EIF4EBP1: variants seen among roughly 807,000 people sequenced by gnomAD.
EIF4EBP1 encodes the protein eukaryotic translation initiation factor 4E-binding protein 1.
EIF4EBP1 carries 5 observed loss-of-function variants against 9.2 expected under a neutral mutation model. The ratio of observed to expected loss-of-function variants is 0.54; its 90% CI spans 0.28 to 1.14. The LOEUF (loss-of-function observed/expected upper bound fraction) is 1.14, where lower values mean the gene tolerates loss of function less well. EIF4EBP1 is among the 50% of genes most tolerant of loss of function. The pLI, the probability that EIF4EBP1 is intolerant of heterozygous loss-of-function variation, is 0.09. For synonymous variants in EIF4EBP1, 62 were observed against 67.0 expected (o/e 0.93, Z 0.36); for missense variants, 139 against 169.6 (o/e 0.82, Z 1.00).
chr8:38,056,547 G>A (rs976272152), intron 1 of EIF4EBP1, among the ~76,000 whole-genome samples: 1 of 152,160 alleles, frequency 6.6e-6, no homozygotes, highest in Non-Finnish European at 1.5e-5. Flanking sequence ...AGGTGCAGTT[G>A]GTGGCCTGCA....
chr8:38,046,987 C>T (rs1585527241), intron 1 of EIF4EBP1, among the ~76,000 whole-genome samples: 1 of 152,300 alleles, frequency 6.6e-6, no homozygotes, highest in Non-Finnish European at 1.5e-5. Flanking sequence ...GGTTTCCCTG[C>T]TCTGCATCTC....
rs376946135 is a variant in EIF4EBP1, at chr8:38,059,964, A to G, written c.*29A>G. 37 of 1,612,670 alleles carry G rather than the reference A, an allele frequency of 2.3e-5. No individual in the cohort carries two copies. The highest frequency in any genetic ancestry group is 2.9e-5 in the Non-Finnish European group (34 of 1,178,784). ...ACCAGCCATCGTGTGGAGCACTACC[A>G]AGGGGCCCCTCAGGGCCTTCCTGGG... On this transcript the variant is annotated 3_prime_UTR_variant, in exon 3 of 3. Coordinates refer to ENST00000338825, the MANE Select transcript of EIF4EBP1 (RefSeq NM_004095.4).
intron 1 of EIF4EBP1, among the ~76,000 whole-genome samples, chr8:38,044,477 C>G (rs1377847358): frequency 6.6e-6 from 1 of 152,174 alleles, no homozygotes; most frequent in Non-Finnish European, 1.5e-5. Context: ...CTCACTCTAT[C>G]ACCCAGGCTA....
chr8:38,047,018 G>A (rs1045927853), intron 1 of EIF4EBP1, among the ~76,000 whole-genome samples: 1 of 152,180 alleles, frequency 6.6e-6, no homozygotes, highest in African/African-American at 2.4e-5. Flanking sequence ...ATCAAGGTCA[G>A]CCTTAGCTCA....
intron 1 of EIF4EBP1, among the ~76,000 whole-genome samples, chr8:38,045,422 G>A (rs1809436662): frequency 6.6e-6 from 1 of 152,082 alleles, no homozygotes; most frequent in Non-Finnish European, 1.5e-5. Flanking sequence ...GAACCTAAGG[G>A]AATGTCTCTA....
chr8:38,051,345 T>C (rs970541221), intron 1 of EIF4EBP1, among the ~76,000 whole-genome samples: 1 of 152,130 alleles, frequency 6.6e-6, no homozygotes, highest in Non-Finnish European at 1.5e-5. Flanking sequence ...CAGTTGGAGC[T>C]CTCCCTGCAT....
chr8:38,042,324 G>T (rs1809393107), intron 1 of EIF4EBP1, among the ~76,000 whole-genome samples: 1 of 152,218 alleles, frequency 6.6e-6, no homozygotes, highest in African/African-American at 2.4e-5. Context: ...TGGTTTGGAA[G>T]TGGACAGTGT....
intron 1 of EIF4EBP1, among the ~76,000 whole-genome samples, chr8:38,054,596 G>C (rs545913980): frequency 2.0e-5 from 3 of 152,154 alleles, no homozygotes. Context: ...TCCCCACCCC[G>C]CTGCCTGGAC....
chr8:38,060,086 C>T lies in EIF4EBP1; in HGVS notation c.*151C>T. 1 of 728,570 alleles carries T rather than the reference C, an allele frequency of 1.4e-6. No individual in the cohort carries two copies. The allele number at this position is 728,570 out of a possible 1,614,324, so 45.1% of individuals were successfully genotyped here. A position where few individuals can be genotyped will look rare whatever the true frequency, so the allele number is the denominator to read the frequency against. On this transcript the variant is annotated 3_prime_UTR_variant, in exon 3 of 3. Transcript: ENST00000338825. ...AGCCCTTTCTCCCTCACTCAGGGCA[C>T]CTGCCCCCTCCTCTTCGTGAACACC...
Position 38,035,161 on chromosome 8 carries a change from T to A in EIF4EBP1, c.145+4443T>A, listed in dbSNP as rs546464382. The stretch of plus-strand genomic sequence containing the variant: ...ACTGTGTCCCTTATTAAAGATTTGG[T>A]GGGGGGTTCCTGGTGTAGAGCACTC... On this transcript the variant is annotated intron_variant, in intron 1 of 2. Coordinates refer to ENST00000338825, the MANE Select transcript of EIF4EBP1 (RefSeq NM_004095.4). Among the ~76,000 whole-genome samples the A allele has an allele frequency of 4.6e-5, 7 of 152,264 alleles. No homozygotes were observed. In the South Asian group the frequency reaches 1.2e-3, roughly 27 times the overall value.
chr8:38,059,445 G>A (rs150836980), intron 2 of EIF4EBP1, among the ~76,000 whole-genome samples: 69 of 152,096 alleles, frequency 4.5e-4, no homozygotes, highest in African/African-American at 1.5e-3. Context: ...CTGCAGAACC[G>A]CGAGCCAGTT....
rs575991228 is a variant in EIF4EBP1 at position 38,059,116 on chromosome 8, C to T, written c.326-788C>T. On this transcript the variant is annotated intron_variant, in intron 2 of 2. Transcript: ENST00000338825. ...AAAAGCAAAAACAACAAGAGTCAGA[C>T]GAAATGATATAGTCTGGATATTTGT... Among the ~76,000 whole-genome samples the T allele has an allele frequency of 7.9e-5, 12 of 152,088 alleles. No homozygotes were observed. The South Asian group carries it at 1.9e-3, about 24-fold the overall frequency.
At chr8:38,041,649 A>G (rs1809382159) in intron 1 of EIF4EBP1, among the ~76,000 whole-genome samples, 1 of 152,210 alleles carries the variant, frequency 6.6e-6, no homozygotes, top group African/African-American at 2.4e-5. Context: ...GTACTGACTC[A>G]TAGATCCCAT....
chr8:38,055,654 A>C (rs954010844), intron 1 of EIF4EBP1, among the ~76,000 whole-genome samples: 1 of 151,948 alleles, frequency 6.6e-6, no homozygotes, highest in Admixed American at 6.6e-5. Context: ...TATCACTACT[A>C]TATATGGAAC....
At chr8:38,043,149 C>T (rs572565560) in intron 1 of EIF4EBP1, among the ~76,000 whole-genome samples, 1 of 152,238 alleles carries the variant, frequency 6.6e-6, no homozygotes, top group South Asian at 2.1e-4. Flanking sequence ...CCAACTGGGA[C>T]AGCAATCACT....
chr8:38,049,479 C>CT (rs370855404), intron 1 of EIF4EBP1, among the ~76,000 whole-genome samples: 2,584 of 139,780 alleles, frequency 0.018, 40 homozygotes, highest in African/African-American at 0.04. Flanking sequence ...TTTCCGTCTT[C>CT]TTTTTTTTTT....
In EIF4EBP1 at chr8:38,034,510, T is replaced by C. The variant is rs112375975; in HGVS notation, c.145+3792T>C. The stretch of plus-strand genomic sequence containing the variant: ...AATATCCAGCGACACCATAAACAGC[T>C]CATTAGCCAGCAGAACCTTTGAGTG... On this transcript the variant is annotated intron_variant, in intron 1 of 2. Transcript: ENST00000338825. Among the ~76,000 whole-genome samples, 1,235 of 152,272 alleles carry C rather than the reference T, an allele frequency of 8.1e-3. 13 individuals are homozygous for C. Among genetic ancestry groups the C allele is most frequent in the African/African-American group, 0.028 (1,151 of 41,560 alleles).
intron 1 of EIF4EBP1, among the ~76,000 whole-genome samples, chr8:38,043,367 C>CTTTTTTTTTTT (rs60303823): frequency 7.2e-6 from 1 of 139,584 alleles, no homozygotes; most frequent in African/African-American, 2.6e-5. Flanking sequence ...TTTTCTTTTT[C>CTTTTTTTTTTT]TTTTTTTTTT....
At chr8:38,039,047 C>T (rs1809340996) in intron 1 of EIF4EBP1, among the ~76,000 whole-genome samples, 1 of 151,880 alleles carries the variant, frequency 6.6e-6, no homozygotes, top group African/African-American at 2.4e-5. Flanking sequence ...CACGCGCAAC[C>T]ACACCCAGCT....
Sources: allele counts gnomAD v4.1 joint callset (sites outside exome capture counted in the v4.1 genomes callset), GRCh38; gene constraint gnomAD v4.1.1; transcripts MANE v1.5; gene names NCBI Gene and HGNC (gene_info 2026-07-23, HGNC 2026-07-21).